CNTNAP2: variants seen among roughly 807,000 people sequenced by gnomAD.
CNTNAP2 encodes contactin associated protein 2.
A neutral mutation model predicts 155.2 loss-of-function variants in CNTNAP2; 98 were observed. The ratio of observed to expected loss-of-function variants is 0.63; its 90% CI spans 0.54 to 0.75. The LOEUF (loss-of-function observed/expected upper bound fraction) is 0.75, where lower values mean the gene tolerates loss of function less well. CNTNAP2 is among the 30% of genes least tolerant of loss of function. The pLI is 0.00. For synonymous variants in CNTNAP2, 651 were observed against 631.2 expected, an observed-to-expected ratio of 1.03 and a Z score of -0.47; for missense variants, 1,727 against 1,688.1, an observed-to-expected ratio of 1.02 and a Z score of -0.40.
In CNTNAP2 at chr7:146,886,010, A is replaced by C. The variant is rs186000850; in HGVS notation, c.402+46106A>C. On this transcript the variant is annotated intron_variant, in intron 3 of 23. Coordinates refer to ENST00000361727, the MANE Select transcript of CNTNAP2 (RefSeq NM_014141.6). ...CCTTTACATTTTTAAGATTTCAAGA[A>C]TAGACTAATTCTAGTACAAATTACT... Among the ~76,000 whole-genome samples the C allele has an allele frequency of 2.2e-4, 33 of 151,352 alleles. No individual in the cohort carries two copies. The East Asian group carries it at 6.2e-3, about 29-fold the overall frequency.
intron 1 of CNTNAP2, among the ~76,000 whole-genome samples, chr7:146,743,036 T>A (rs1041119661): frequency 2.6e-5 from 4 of 152,146 alleles, no homozygotes; most frequent in African/African-American, 4.8e-5. Flanking sequence ...AATCTTTTTT[T>A]TTAATTTTAT....
chr7:147,638,566 C>CAGA (rs1795220790), intron 12 of CNTNAP2, among the ~76,000 whole-genome samples: 1 of 152,138 alleles, frequency 6.6e-6, no homozygotes, highest in African/African-American at 2.4e-5. Flanking sequence ...TCCACATGTA[C>CAGA]AGAACATTTC....
At chr7:147,880,560 A>G (rs758338628) in intron 13 of CNTNAP2, among the ~76,000 whole-genome samples, 1 of 151,970 alleles carries the variant, frequency 6.6e-6, no homozygotes, top group Non-Finnish European at 1.5e-5. Context: ...GAGGGAGCAT[A>G]GAAAGACGGG....
chr7:146,865,035 G>A (rs1795177072), intron 3 of CNTNAP2, among the ~76,000 whole-genome samples: 2 of 145,574 alleles, frequency 1.4e-5, no homozygotes, highest in Non-Finnish European at 3.0e-5. Flanking sequence ...CAAGGCAACA[G>A]GTTATAAGAT....
rs150487672 is a variant in CNTNAP2, at chr7:147,010,872, A to T, written c.403-33035A>T. On this transcript the variant is annotated intron_variant, in intron 3 of 23. Coordinates refer to ENST00000361727, the MANE Select transcript of CNTNAP2 (RefSeq NM_014141.6). Reference sequence around the variant, plus strand: ...GGAATGGAATATTTACATCTTCTAAATGTACCTCCCCCCGCCCCAAATAAT... The same window carrying T: ...GGAATGGAATATTTACATCTTCTAATTGTACCTCCCCCCGCCCCAAATAAT... Among the ~76,000 whole-genome samples the T allele has an allele frequency of 3.6e-3, 542 of 152,254 alleles. 9 individuals are homozygous for T. The highest frequency in any genetic ancestry group is 0.012 in the African/African-American group (508 of 41,548).
At chr7:147,616,060 AT>A (rs146390166) in intron 12 of CNTNAP2, among the ~76,000 whole-genome samples, 9 of 150,796 alleles carry the variant, frequency 6.0e-5, no homozygotes, top group South Asian at 4.2e-4. Context: ...TCCTTGTTTC[AT>A]TTTTTTTTCC....
chr7:147,046,428 T>C (rs918828559), intron 4 of CNTNAP2, among the ~76,000 whole-genome samples: 4 of 152,264 alleles, frequency 2.6e-5, no homozygotes, highest in African/African-American at 4.8e-5. Context: ...GAATTATCTG[T>C]GCTGATATTA....
At chr7:148,305,087 A>G (rs1261159237) in intron 21 of CNTNAP2, among the ~76,000 whole-genome samples, 1 of 150,338 alleles carries the variant, frequency 6.7e-6, no homozygotes, top group Non-Finnish European at 1.5e-5. Flanking sequence ...ACTTGGTATT[A>G]TGGTGCACAC....
intron 1 of CNTNAP2, among the ~76,000 whole-genome samples, chr7:146,690,164 A>G (rs890979031): frequency 4.6e-5 from 7 of 152,126 alleles, no homozygotes; most frequent in Admixed American, 4.6e-4. Flanking sequence ...ATCGATTTAA[A>G]TAATACCAGT....
chr7:147,180,863 G>T (rs981368875), intron 8 of CNTNAP2, among the ~76,000 whole-genome samples: 2 of 151,998 alleles, frequency 1.3e-5, no homozygotes, highest in Non-Finnish European at 2.9e-5. Flanking sequence ...TATTTACATA[G>T]GAAGCTACTA....
chr7:148,332,147 C>T (rs1447846474), intron 21 of CNTNAP2, among the ~76,000 whole-genome samples: 3 of 134,032 alleles, frequency 2.2e-5, no homozygotes, highest in Non-Finnish European at 4.6e-5. Context: ...CTGGTAAAAT[C>T]ATGACAAACT....
intron 15 of CNTNAP2, among the ~76,000 whole-genome samples, chr7:148,028,799 A>G (rs1054035354): frequency 2.0e-5 from 3 of 152,148 alleles, no homozygotes; most frequent in African/African-American, 7.2e-5. Context: ...CCTTCCAAAC[A>G]GAAAGCATTT....
intron 23 of CNTNAP2, among the ~76,000 whole-genome samples, chr7:148,410,480 T>C (rs1302810820): frequency 2.0e-5 from 3 of 149,054 alleles, no homozygotes; most frequent in African/African-American, 7.4e-5. Flanking sequence ...GACAAGAGAA[T>C]TGCTTGAGCC....
intron 3 of CNTNAP2, among the ~76,000 whole-genome samples, chr7:147,008,529 A>T (rs1032446166): frequency 1.3e-5 from 2 of 152,084 alleles, no homozygotes; most frequent in African/African-American, 4.8e-5. Flanking sequence ...CTGAAGAAAG[A>T]TTAGTTAACA....
At chr7:148,133,674 C>A (rs1296877534) in intron 16 of CNTNAP2, 1 of 152,160 alleles carries the variant, frequency 6.6e-6, no homozygotes, top group Non-Finnish European at 1.5e-5. Flanking sequence ...CCTTGCCCTC[C>A]TCCCTTTGGT....
chr7:146,834,747 T>A (rs1487674650), intron 2 of CNTNAP2, among the ~76,000 whole-genome samples: 1 of 152,172 alleles, frequency 6.6e-6, no homozygotes, highest in African/African-American at 2.4e-5. Context: ...TTCTTCTAAC[T>A]CCTCTTTGAC....
At chr7:146,742,990 A>AT (rs1209828382) in intron 1 of CNTNAP2, among the ~76,000 whole-genome samples, 9 of 152,014 alleles carry the variant, frequency 5.9e-5, no homozygotes, top group African/African-American at 2.2e-4. Flanking sequence ...TAGAAATTAG[A>AT]TTTTTTTCAG....
intron 15 of CNTNAP2, among the ~76,000 whole-genome samples, chr7:147,998,182 G>A (rs1440729356): frequency 2.4e-5 from 3 of 123,244 alleles, no homozygotes; most frequent in East Asian, 2.7e-4. Flanking sequence ...CACAAACTCC[G>A]CTCCCTGCAA....
Position 147,011,656 on chromosome 7 carries a change from A to T in CNTNAP2, c.403-32251A>T, listed in dbSNP as rs1798627578. 1.3e-5 allele frequency among the ~76,000 whole-genome samples: 2 copies of T among 152,126 alleles called. 1 individual carries two copies. Among genetic ancestry groups the T allele is most frequent in the Middle Eastern group, 6.8e-3 (2 of 294 alleles). ...TCCGAGCCACTCATTCTCCTCTGAG[A>T]CAAGCCATGGAAACTAGAATTCATC... On this transcript the variant is annotated intron_variant, in intron 3 of 23. Coordinates refer to ENST00000361727, the MANE Select transcript of CNTNAP2 (RefSeq NM_014141.6).
Sources: gnomAD v4.1 joint callset for allele counts (sites outside exome capture counted in the v4.1 genomes callset) on GRCh38, gnomAD v4.1.1 for gene constraint, MANE v1.5 for transcripts, NCBI Gene and HGNC (gene_info 2026-07-23, HGNC 2026-07-21) for gene names.